The following APBB2 variants were observed in gnomAD, a reference collection of about 807,000 sequenced individuals.
The protein encoded by APBB2 is amyloid beta precursor protein binding family B member 2, also known as Fe65-like 1.
A neutral mutation model predicts 82.5 loss-of-function variants in APBB2; 38 were observed. The ratio of observed to expected loss-of-function variants is 0.46; its 90% confidence interval spans 0.36 to 0.60. The LOEUF is 0.60. Among genes scored for constraint, APBB2 ranks in the 20% least tolerant of loss-of-function variants. APBB2 has a pLI of 0.00. For synonymous variants in APBB2, 341 were observed against 368.2 expected (o/e 0.93, Z 0.85); for missense variants, 772 against 972.3 (o/e 0.79, Z 2.74).
At chr4:40,834,874 C>T (rs933766968) in intron 12 of APBB2, among the ~76,000 whole-genome samples, 1 of 152,078 alleles carries the variant, frequency 6.6e-6, no homozygotes, top group African/African-American at 2.4e-5. Flanking sequence ...AGTGGCGTGG[C>T]GTTAGGCCAC....
At chr4:40,873,303 G>A (rs1766030205) in intron 12 of APBB2, among the ~76,000 whole-genome samples, 1 of 152,140 alleles carries the variant, frequency 6.6e-6, no homozygotes, top group Admixed American at 6.5e-5. Context: ...TTTGTACAGT[G>A]TAGACATATT....
At chr4:41,164,253 C>T (rs1235414603) in intron 1 of APBB2, among the ~76,000 whole-genome samples, 1 of 152,096 alleles carries the variant, frequency 6.6e-6, no homozygotes, top group African/African-American at 2.4e-5. Flanking sequence ...GTGAAATTTC[C>T]CTCTTGCGGC....
intron 5 of APBB2, among the ~76,000 whole-genome samples, chr4:41,027,389 AT>A (rs2154437094): frequency 2.4e-5 from 2 of 84,876 alleles, no homozygotes; most frequent in African/African-American, 4.4e-5. Flanking sequence ...ATATATATAT[AT>A]ATATATATAT....
chr4:41,016,402 C>G (rs138553545), intron 5 of APBB2, among the ~76,000 whole-genome samples: 6,977 of 152,272 alleles, frequency 0.046, 332 homozygotes, highest in African/African-American at 0.12. Flanking sequence ...TGGCTCACGC[C>G]TGTAATCCCA....
intron 4 of APBB2, among the ~76,000 whole-genome samples, chr4:41,049,127 G>A (rs1231389234): frequency 2.7e-5 from 4 of 145,484 alleles, no homozygotes; most frequent in Non-Finnish European, 3.0e-5. Context: ...GCCGCCCATC[G>A]TCTGAGATGT....
chr4:40,995,467 C>T (rs760484841), intron 6 of APBB2, among the ~76,000 whole-genome samples: 1 of 151,604 alleles, frequency 6.6e-6, no homozygotes. Flanking sequence ...CAGGGTCAAG[C>T]GATCTTCTGG....
chr4:40,844,014 A>C (rs1756752900), intron 12 of APBB2, among the ~76,000 whole-genome samples: 1 of 152,190 alleles, frequency 6.6e-6, no homozygotes, highest in Admixed American at 6.5e-5. Context: ...ACAGGTATTC[A>C]AGGTAGGGCC....
chr4:41,187,174 A>G (rs560667028), intron 1 of APBB2, among the ~76,000 whole-genome samples: 1 of 152,338 alleles, frequency 6.6e-6, no homozygotes, highest in South Asian at 2.1e-4. Context: ...ACAAAATAAG[A>G]TCTCAGGTAG....
In APBB2 at chr4:40,826,134, C is replaced by G. The variant is rs1446817327; in HGVS notation, c.1733-164G>C. ...ACTATTCTACAAGAGCAGCATTACT[C>G]CAGATATTGGGGCTCTGTTAAAATC... is the stretch of plus-strand genomic sequence containing the variant. On this transcript the variant is annotated intron_variant, in intron 14 of 17. Transcript: ENST00000508593. The surrounding 1 kb of genome is among the most constrained non-coding windows in gnomAD (Gnocchi z 4.5). The G allele has an allele frequency of 1.6e-6, 1 of 618,198 alleles. No homozygotes were observed. Among genetic ancestry groups the G allele is most frequent in the African/African-American group, 1.8e-5 (1 of 54,146 alleles). 38.3% of individuals were successfully genotyped at this position (618,198 alleles called of 1,614,324 possible).
chr4:41,160,510 C>T (rs556497486), intron 1 of APBB2, among the ~76,000 whole-genome samples: 1 of 152,166 alleles, frequency 6.6e-6, no homozygotes, highest in Admixed American at 6.5e-5. Flanking sequence ...GTTAGGAGAC[C>T]CAGGTTCAAG....
chr4:41,054,778 AGCTT>A (rs1304656656), intron 4 of APBB2, among the ~76,000 whole-genome samples: 1 of 152,036 alleles, frequency 6.6e-6, no homozygotes, highest in African/African-American at 2.4e-5. Context: ...ACCACTGAGA[AGCTT>A]TGAGGTGCAG....
intron 2 of APBB2, among the ~76,000 whole-genome samples, chr4:41,113,526 A>C (rs1749934807): frequency 6.6e-6 from 1 of 152,170 alleles, no homozygotes; most frequent in Admixed American, 6.5e-5. Flanking sequence ...GTATTCAAAT[A>C]AAAAGAGAGG....
chr4:41,049,688 G>C (rs13142663), intron 4 of APBB2, among the ~76,000 whole-genome samples: 39,765 of 152,146 alleles, frequency 0.26, 5,558 homozygotes, highest in Non-Finnish European at 0.3. Context: ...TTGTCTAATA[G>C]AAAAGGGGGA....
chr4:41,122,790 A>C (rs1399705857), intron 2 of APBB2, among the ~76,000 whole-genome samples: 3 of 152,140 alleles, frequency 2.0e-5, no homozygotes, highest in Non-Finnish European at 4.4e-5. Context: ...CTTTGCTCAA[A>C]GCCTTTTCGT....
At position 41,102,625 on chromosome 4, in the gene APBB2, A is replaced by C. The variant is rs868336660; in HGVS notation, c.-260-1875T>G. Among the ~76,000 whole-genome samples the C allele has an allele frequency of 1.2e-4, 18 of 152,262 alleles. No homozygotes were observed. In the South Asian group the frequency reaches 2.5e-3, roughly 21 times the overall value. ...AACACAGTCCATGCCTCAAACATCT[A>C]CCGGTGACTTCGGTTTCCACCAGTG... On this transcript the variant is annotated intron_variant, in intron 2 of 17. Transcript: ENST00000508593.
At chr4:41,001,687 G>A (rs1358953577) in intron 6 of APBB2, among the ~76,000 whole-genome samples, 1 of 152,128 alleles carries the variant, frequency 6.6e-6, no homozygotes. Context: ...AGACCAGCCT[G>A]GCCAACCTGG....
intron 1 of APBB2, among the ~76,000 whole-genome samples, chr4:41,159,937 G>A (rs145476128): frequency 6.6e-3 from 202 of 30,390 alleles, no homozygotes; most frequent in African/African-American, 0.01. Flanking sequence ...GGAGGAGGAG[G>A]AGGAGGAGAA....
chr4:40,908,746 T>C (rs556822519), intron 10 of APBB2, among the ~76,000 whole-genome samples: 6 of 152,186 alleles, frequency 3.9e-5, no homozygotes, highest in South Asian at 2.1e-4. Flanking sequence ...TTTATAGCTT[T>C]GGGCTGGTCC....
Position 40,825,987 on chromosome 4 carries a change from C to G in APBB2, c.1733-17G>C. On this transcript the variant is annotated splice_polypyrimidine_tract_variant and intron_variant, in intron 14 of 17. Transcript: ENST00000508593. ...GAAAATCTACTACAGGGAACAAAAG[C>G]AACACATCTTTCTCAGTGGTTCCAA... The G allele has an allele frequency of 6.2e-7, 1 of 1,603,694 alleles. No homozygotes were observed. The highest frequency in any genetic ancestry group is 8.5e-7 in the Non-Finnish European group (1 of 1,170,568).
Sources: gnomAD v4.1 joint callset for allele counts (sites outside exome capture counted in the v4.1 genomes callset) on GRCh38, gnomAD v4.1.1 for gene constraint, Gnocchi (gnomAD v3.1) non-coding constraint, MANE v1.5 for transcripts, NCBI Gene and HGNC (gene_info 2026-07-23, HGNC 2026-07-21) for gene names.